Variants in SUPT3H observed in about 807,000 individuals in gnomAD.
SUPT3H encodes the protein transcription initiation protein SPT3 homolog.
Under a neutral mutation model 44.3 loss-of-function variants are expected in SUPT3H, and 44 were observed. The ratio of observed to expected loss-of-function variants is 0.99; its 90% confidence interval spans 0.78 to 1.28. The LOEUF (loss-of-function observed/expected upper bound fraction) is 1.28. SUPT3H is among the 50% of genes most tolerant of loss of function. The probability of loss-of-function intolerance (pLI) is 0.00; values close to 1 mark genes in which losing one functional copy is unlikely to be tolerated. For synonymous variants in SUPT3H, 124 were observed against 125.6 expected (o/e 0.99, Z 0.09); for missense variants, 380 against 387.1 (o/e 0.98, Z 0.15).
intron 10 of SUPT3H, among the ~76,000 whole-genome samples, chr6:44,881,098 A>C (rs972342574): frequency 5.3e-5 from 8 of 152,144 alleles, no homozygotes; most frequent in African/African-American, 1.9e-4. Context: ...AAAGACACAG[A>C]CTGGCACATT....
intron 3 of SUPT3H, among the ~76,000 whole-genome samples, chr6:45,103,464 T>A (rs959650880): frequency 6.6e-6 from 1 of 152,130 alleles, no homozygotes; most frequent in East Asian, 1.9e-4. Flanking sequence ...AAGGGGTTTA[T>A]AACCCACTAA....
intron 10 of SUPT3H, among the ~76,000 whole-genome samples, chr6:44,865,177 A>G (rs1032782895): frequency 6.6e-6 from 1 of 152,108 alleles, no homozygotes; most frequent in South Asian, 2.1e-4. Flanking sequence ...CCTCATCTCC[A>G]TCTGAGACCA....
At chr6:45,298,755 T>C (rs1374284917) in intron 2 of SUPT3H, among the ~76,000 whole-genome samples, 1 of 152,122 alleles carries the variant, frequency 6.6e-6, no homozygotes, top group Non-Finnish European at 1.5e-5. Context: ...TCTGAAAATA[T>C]CCCATATTGC....
At chr6:45,129,606 CT>C (rs1803095701) in intron 2 of SUPT3H, among the ~76,000 whole-genome samples, 1 of 152,158 alleles carries the variant, frequency 6.6e-6, no homozygotes, top group Admixed American at 6.5e-5. Flanking sequence ...ACAACTTGTG[CT>C]GTTTTTTTGT....
At chr6:45,131,930 G>A (rs983880836) in intron 2 of SUPT3H, among the ~76,000 whole-genome samples, 2 of 152,108 alleles carry the variant, frequency 1.3e-5, no homozygotes, top group Admixed American at 1.3e-4. Context: ...CTGAAACTGG[G>A]TAGTACGGAA....
intron 2 of SUPT3H, among the ~76,000 whole-genome samples, chr6:45,200,055 A>T (rs1195323020): frequency 6.6e-6 from 1 of 151,530 alleles, no homozygotes; most frequent in Non-Finnish European, 1.5e-5. Flanking sequence ...CAGAGACTGT[A>T]AGAATCATTA....
At chr6:44,919,981 C>A (rs1213001396) in intron 10 of SUPT3H, among the ~76,000 whole-genome samples, 2 of 152,068 alleles carry the variant, frequency 1.3e-5, no homozygotes, top group Non-Finnish European at 2.9e-5. Flanking sequence ...CAGGTTCAGG[C>A]GATTCTCCTG....
At chr6:45,163,882 C>T (rs1335934752) in intron 2 of SUPT3H, among the ~76,000 whole-genome samples, 2 of 151,842 alleles carry the variant, frequency 1.3e-5, no homozygotes, top group Admixed American at 1.3e-4. Flanking sequence ...CATACCTACC[C>T]CTAATTATTA....
intron 3 of SUPT3H, among the ~76,000 whole-genome samples, chr6:45,044,918 TC>T (rs1265656162): frequency 6.6e-6 from 1 of 152,180 alleles, no homozygotes; most frequent in African/African-American, 2.4e-5. Flanking sequence ...TTACAAATTG[TC>T]AGTGAAGGAC....
Position 45,020,575 on chromosome 6 carries a change from C to T in SUPT3H, c.244G>A (p.Asp82Asn). 6.2e-7 allele frequency: 1 copy of T among 1,611,600 alleles called. No individual in the cohort carries two copies. Among genetic ancestry groups the T allele is most frequent in the Non-Finnish European group, 8.5e-7 (1 of 1,178,356 alleles). Residue 82 changes from aspartate to asparagine, a missense_variant, in exon 4 of 11, where the codon GAT becomes AAT. Transcript: ENST00000371459. ...LRGARVITPE[D>N]LLFLMRKDKK... ...TCTTTGCGCATCAAAAACAGAAGAT[C>T]TTCAGGAGTGATTACCCTTGCTCCC...
chr6:45,177,331 G>C (rs1036991960), intron 2 of SUPT3H, among the ~76,000 whole-genome samples: 1 of 152,132 alleles, frequency 6.6e-6, no homozygotes, highest in African/African-American at 2.4e-5. Context: ...GATGGAAGAT[G>C]AAATGAATGA....
chr6:45,363,928 A>C (rs1407984291), intron 2 of SUPT3H, among the ~76,000 whole-genome samples: 1 of 151,952 alleles, frequency 6.6e-6, no homozygotes, highest in Non-Finnish European at 1.5e-5. Context: ...AATTCTGGCC[A>C]ACATGGCGAA....
At chr6:45,049,041 C>G (rs1274970003) in intron 3 of SUPT3H, among the ~76,000 whole-genome samples, 2 of 151,990 alleles carry the variant, frequency 1.3e-5, no homozygotes, top group Non-Finnish European at 2.9e-5. Context: ...TGTCTTCTCA[C>G]TACAAAAAAA....
At chr6:44,901,857 G>A (rs1582367172) in intron 10 of SUPT3H, among the ~76,000 whole-genome samples, 1 of 152,306 alleles carries the variant, frequency 6.6e-6, no homozygotes, top group African/African-American at 2.4e-5. Flanking sequence ...GAAGAGAGTG[G>A]GGGCTAATAT....
intron 10 of SUPT3H, among the ~76,000 whole-genome samples, chr6:44,835,973 A>C (rs562948427): frequency 6.6e-6 from 1 of 152,126 alleles, no homozygotes; most frequent in African/African-American, 2.4e-5. Context: ...TGAAAGACAT[A>C]TTGTTTTGCT....
At chr6:45,036,567 C>T (rs1199734926) in intron 3 of SUPT3H, among the ~76,000 whole-genome samples, 1 of 152,072 alleles carries the variant, frequency 6.6e-6, no homozygotes, top group East Asian at 1.9e-4. Flanking sequence ...ATTGCCATTT[C>T]ATTCTAACTG....
At chr6:45,012,095 CTGT>C (rs1783571101) in intron 5 of SUPT3H, among the ~76,000 whole-genome samples, 2 of 142,948 alleles carry the variant, frequency 1.4e-5, no homozygotes, top group African/African-American at 5.2e-5. Flanking sequence ...GATTTTTTGT[CTGT>C]TTTTTTTTTT....
intron 3 of SUPT3H, among the ~76,000 whole-genome samples, chr6:45,024,535 A>C (rs1289966395): frequency 6.6e-6 from 1 of 152,186 alleles, no homozygotes; most frequent in Non-Finnish European, 1.5e-5. Flanking sequence ...CGAATGATTC[A>C]CATATTTTCC....
intron 2 of SUPT3H, among the ~76,000 whole-genome samples, chr6:45,284,687 C>G: frequency 6.6e-6 from 1 of 152,186 alleles, no homozygotes; most frequent in Admixed American, 6.5e-5. Flanking sequence ...TGGTACCATT[C>G]CTTCTGAAAC....
Sources: gnomAD v4.1 joint callset for allele counts (sites outside exome capture counted in the v4.1 genomes callset) on GRCh38, gnomAD v4.1.1 for gene constraint, MANE v1.5 for transcripts, NCBI Gene and HGNC (gene_info 2026-07-23, HGNC 2026-07-21) for gene names.